Variants in NRF1 observed in about 807,000 individuals in gnomAD.
The protein encoded by NRF1 is nuclear respiratory factor 1, also known as alpha palindromic-binding protein.
NRF1 carries 5 observed loss-of-function variants against 58.5 expected under a neutral mutation model. The observed-to-expected ratio is 0.09, with a 90% CI of 0.04 to 0.18. NRF1 has a LOEUF of 0.18. NRF1 is among the 10% of genes least tolerant of loss of function. The probability of loss-of-function intolerance (pLI) is 1.00; values close to 1 mark genes in which losing one functional copy is unlikely to be tolerated. For synonymous variants in NRF1, 224 were observed against 246.7 expected (o/e 0.91, Z 0.86); for missense variants, 288 against 657.7 (o/e 0.44, Z 6.15).
intron 1 of NRF1, 119 bp from the exon 2 acceptor site, chr7:129,657,227 G>A (rs1801676226): frequency 1.5e-6 from 1 of 685,482 alleles, no homozygotes; most frequent in African/African-American, 1.8e-5. Context: ...GGCACGGTAA[G>A]TAGTGAAATT....
intron 1 of NRF1, among the ~76,000 whole-genome samples, chr7:129,636,427 T>C (rs1253196988): frequency 6.6e-6 from 1 of 152,102 alleles, no homozygotes; most frequent in Non-Finnish European, 1.5e-5. Flanking sequence ...AGAGATGGGG[T>C]CTCACCATGT....
rs202191924 is a variant in NRF1 at position 129,683,318 on chromosome 7, TGTGA to T, written c.465+5562_465+5565del. ...GTGTGTGTGTGTGTGTGTGTGTGTG[TGTGA>T]GAGAGAGAGAGAGAGAGAGAGAGAA... On this transcript the variant is annotated intron_variant, in intron 4 of 10. Coordinates refer to ENST00000393232, the MANE Select transcript of NRF1 (RefSeq NM_005011.5). Among the ~76,000 whole-genome samples the T allele has an allele frequency of 0.015, 2,082 of 140,530 alleles. 94 individuals carry two copies. In the East Asian group the frequency reaches 0.22, roughly 15 times the overall value. The allele number at this position is 140,530 out of a possible 152,430, so 92.2% of individuals were successfully genotyped here.
intron 1 of NRF1, among the ~76,000 whole-genome samples, chr7:129,622,418 T>A (rs10252513): frequency 6.6e-6 from 1 of 152,036 alleles, no homozygotes; most frequent in Admixed American, 6.5e-5. Context: ...ATTCTAAGTC[T>A]GTGTTACATG....
intron 1 of NRF1, among the ~76,000 whole-genome samples, chr7:129,649,317 AC>A (rs1801482692): frequency 6.6e-6 from 1 of 151,222 alleles, no homozygotes; most frequent in African/African-American, 2.4e-5. Flanking sequence ...CCCCCACCCC[AC>A]CCCGGGTTTG....
chr7:129,674,823 G>A (rs576892783), intron 3 of NRF1, among the ~76,000 whole-genome samples: 4 of 152,290 alleles, frequency 2.6e-5, no homozygotes, highest in East Asian at 3.9e-4. Context: ...GTCTTGCCTC[G>A]ATGTTGATGA....
intron 1 of NRF1, among the ~76,000 whole-genome samples, chr7:129,638,280 A>G (rs1801214789): frequency 6.6e-6 from 1 of 152,166 alleles, no homozygotes; most frequent in South Asian, 2.1e-4. Context: ...CCCCTTTCAT[A>G]GTTACAAGTC....
intron 3 of NRF1, among the ~76,000 whole-genome samples, chr7:129,672,553 A>T (rs1802071741): frequency 6.6e-6 from 1 of 152,184 alleles, no homozygotes; most frequent in Non-Finnish European, 1.5e-5. Context: ...CAGAAATGAT[A>T]GTGTCTTAAA....
chr7:129,713,119 C>T (rs768825898), intron 8 of NRF1, among the ~76,000 whole-genome samples: 2 of 132,206 alleles, frequency 1.5e-5, no homozygotes, highest in African/African-American at 2.9e-5. Flanking sequence ...TTTCCTGAGA[C>T]GGAATCTCAC....
intron 8 of NRF1, among the ~76,000 whole-genome samples, chr7:129,716,869 CAAA>C (rs35766307): frequency 3.5e-5 from 5 of 143,138 alleles, no homozygotes; most frequent in Non-Finnish European, 4.5e-5. Context: ...GACTCCCTCT[CAAA>C]AAAAAAAAAA....
At chr7:129,726,188 A>T (rs1233097176) in intron 9 of NRF1, among the ~76,000 whole-genome samples, 2 of 152,198 alleles carry the variant, frequency 1.3e-5, no homozygotes, top group African/African-American at 4.8e-5. Context: ...TGCCTACTGG[A>T]ATTCGATAGT....
chr7:129,663,870 A>G (rs1801854873), intron 2 of NRF1, among the ~76,000 whole-genome samples: 1 of 152,212 alleles, frequency 6.6e-6, no homozygotes, highest in South Asian at 2.1e-4. Flanking sequence ...TCCGTCTGCA[A>G]TCCCAGCACC....
At position 129,690,508 on chromosome 7, in the gene NRF1, A is replaced by G. The variant is rs1366416816; in HGVS notation, c.568A>G (p.Ile190Val). 7 of 1,614,150 alleles carry G rather than the reference A, an allele frequency of 4.3e-6. No individual in the cohort carries two copies. The highest frequency in any genetic ancestry group is 5.9e-6 in the Non-Finnish European group (7 of 1,180,018). Residue 190 changes from isoleucine (I) to valine (V), a missense_variant, in exon 5 of 11, where the codon ATC becomes GTC. Around this residue, in one of 3 missense-constraint regions of NRF1, gnomAD observed 212 missense variants for 559.7 expected, o/e 0.38. Coordinates refer to ENST00000393232, the MANE Select transcript of NRF1 (RefSeq NM_005011.5). Reference sequence around the variant, plus strand: ...TAACTCAGAACTGCCGCCTCTCACCATCGACGGAATTCCAGTCTCTGTGGA... The same window carrying G: ...TAACTCAGAACTGCCGCCTCTCACCGTCGACGGAATTCCAGTCTCTGTGGA... ...EVNSELPPLT[I>V]DGIPVSVDKM...
At chr7:129,628,390 CT>C (rs1800969296) in intron 1 of NRF1, among the ~76,000 whole-genome samples, 1 of 151,594 alleles carries the variant, frequency 6.6e-6, no homozygotes, top group East Asian at 1.9e-4. Context: ...TATGTTATAA[CT>C]TTTGATACTA....
At chr7:129,716,731 G>A (rs1803198061) in intron 8 of NRF1, among the ~76,000 whole-genome samples, 1 of 151,924 alleles carries the variant, frequency 6.6e-6, no homozygotes, top group African/African-American at 2.4e-5. Context: ...ATTAGCCAGG[G>A]GTGGTGGTAC....
At chr7:129,631,465 G>A (rs1000479518) in intron 1 of NRF1, among the ~76,000 whole-genome samples, 3 of 151,924 alleles carry the variant, frequency 2.0e-5, no homozygotes, top group East Asian at 1.9e-4. Flanking sequence ...ACGAGGTCTC[G>A]CTATATTGCC....
chr7:129,719,817 C>G (rs943992654), intron 9 of NRF1, among the ~76,000 whole-genome samples: 1 of 152,136 alleles, frequency 6.6e-6, no homozygotes, highest in Non-Finnish European at 1.5e-5. Context: ...TAACACCCCC[C>G]ATTCTCCGCC....
intron 9 of NRF1, among the ~76,000 whole-genome samples, chr7:129,719,132 AT>A (rs1180680752): frequency 6.6e-6 from 1 of 150,752 alleles, no homozygotes. Flanking sequence ...AGGTAAAGTG[AT>A]TCTTTTTTTT....
chr7:129,685,157 C>A (rs1802415470), intron 4 of NRF1, among the ~76,000 whole-genome samples: 1 of 152,128 alleles, frequency 6.6e-6, no homozygotes, highest in Non-Finnish European at 1.5e-5. Context: ...AAAGACTCTT[C>A]CTTTATCCAG....
At chr7:129,746,269 GT>G (rs1349602015) in intron 10 of NRF1, among the ~76,000 whole-genome samples, 5 of 152,158 alleles carry the variant, frequency 3.3e-5, no homozygotes, top group Admixed American at 3.3e-4. Context: ...TCTCTTCCCC[GT>G]TTGCCCTACT....
Sources: gnomAD v4.1 joint callset for allele counts (sites outside exome capture counted in the v4.1 genomes callset) on GRCh38, gnomAD v4.1.1 for gene constraint, gnomAD v4.1.1 regional missense constraint, MANE v1.5 for transcripts, NCBI Gene and HGNC (gene_info 2026-07-23, HGNC 2026-07-21) for gene names.